The following GANC variants were observed in gnomAD, a reference collection of about 807,000 sequenced individuals.
GANC encodes neutral alpha-glucosidase C.
GANC carries 117 observed loss-of-function variants against 124.2 expected under a neutral mutation model. The ratio of observed to expected loss-of-function variants is 0.94; its 90% confidence interval spans 0.81 to 1.10. The LOEUF is 1.10. Among genes scored for constraint, GANC ranks in the 50% least tolerant of loss-of-function variants. The pLI is 0.00. For missense variants in GANC, 1,140 were observed against 1,095.0 expected (o/e 1.04, Z -0.58); for synonymous variants, 377 against 376.8 (o/e 1.00, Z -0.01).
Position 42,310,679 on chromosome 15 carries a change from C to T in GANC, c.904-14C>T, listed in dbSNP as rs2052042191. On this transcript the variant is annotated splice_polypyrimidine_tract_variant and intron_variant, in intron 9 of 23. Coordinates refer to ENST00000318010, the MANE Select transcript of GANC (RefSeq NM_198141.3). ...AGGGAAATTTCTCAAATTTTTATTC[C>T]ATTCTTTTTCCAGTACACACTGACC... The T allele has an allele frequency of 6.3e-7, 1 of 1,596,802 alleles. No homozygotes were observed. Among genetic ancestry groups the T allele is most frequent in the African/African-American group, 1.3e-5 (1 of 74,560 alleles).
intron 10 of GANC, among the ~76,000 whole-genome samples, chr15:42,315,785 T>C (rs1217173078): frequency 6.6e-6 from 1 of 152,052 alleles, no homozygotes; most frequent in Non-Finnish European, 1.5e-5. Flanking sequence ...CCTCATCCAG[T>C]AGTTGAAGGC....
At chr15:42,322,564 G>A (rs2052169015) in intron 11 of GANC, among the ~76,000 whole-genome samples, 1 of 152,120 alleles carries the variant, frequency 6.6e-6, no homozygotes, top group African/African-American at 2.4e-5. Flanking sequence ...CAAAGGAGGG[G>A]GCACTAGAGC....
intron 10 of GANC, among the ~76,000 whole-genome samples, chr15:42,315,510 T>C (rs148284229): frequency 3.2e-4 from 48 of 152,326 alleles, no homozygotes; most frequent in African/African-American, 1.1e-3. Context: ...TTTACGAGGA[T>C]GCAGAGAAAT....
chr15:42,336,965 T>C (rs921593776), intron 15 of GANC, among the ~76,000 whole-genome samples: 3 of 152,200 alleles, frequency 2.0e-5, no homozygotes, highest in Non-Finnish European at 4.4e-5. Flanking sequence ...ATGGCTGTTA[T>C]TAAAAAGTGA....
At chr15:42,286,698 G>A (rs781744732) in intron 3 of GANC, among the ~76,000 whole-genome samples, 1 of 152,154 alleles carries the variant, frequency 6.6e-6, no homozygotes, top group Non-Finnish European at 1.5e-5. Context: ...TTTCGCAAGA[G>A]GCAAAGTTCC....
intron 3 of GANC, among the ~76,000 whole-genome samples, chr15:42,281,993 A>T (rs1202068163): frequency 1.3e-5 from 2 of 151,882 alleles, no homozygotes; most frequent in Non-Finnish European, 2.9e-5. Context: ...TTGAGACCAG[A>T]CTGATCAACA....
At chr15:42,293,069 A>AC in intron 5 of GANC, 152 bp downstream of exon 5, 3 of 676,546 alleles carry the variant, frequency 4.4e-6, no homozygotes, top group Non-Finnish European at 7.3e-6. Flanking sequence ...TTCACCTGTG[A>AC]AGGTGAATAC....
chr15:42,349,177 G>A (rs907418209), intron 21 of GANC, among the ~76,000 whole-genome samples: 2 of 152,134 alleles, frequency 1.3e-5, no homozygotes. Context: ...CTAACTCTTT[G>A]TGCTCCTCTT....
chr15:42,313,838 A>G lies in GANC; in HGVS notation c.1057+2992A>G, dbSNP rs1396699708. On this transcript the variant is annotated intron_variant, in intron 10 of 23. Coordinates refer to ENST00000318010, the MANE Select transcript of GANC (RefSeq NM_198141.3). Reference sequence around the variant, plus strand: ...ATCCCAGTGCTTTGGGAAGCCTCCAAAGTGCTTCCTTGAATTCAAGTAATC... The same window carrying G: ...ATCCCAGTGCTTTGGGAAGCCTCCAGAGTGCTTCCTTGAATTCAAGTAATC... 1.1e-5 allele frequency: 6 copies of G among 546,188 alleles called. No individual in the cohort carries two copies. The African/African-American group carries it at 1.1e-4, about 10-fold the overall frequency. The allele number at this position is 546,188 out of a possible 1,614,324, so 33.8% of individuals were successfully genotyped here.
intron 3 of GANC, among the ~76,000 whole-genome samples, chr15:42,284,717 CTG>C (rs774052766): frequency 1.2e-4 from 19 of 152,168 alleles, no homozygotes; most frequent in Non-Finnish European, 2.5e-4. Flanking sequence ...TCATGGCACA[CTG>C]TAACCTCAAA....
chr15:42,288,046 C>T (rs1283986520), intron 4 of GANC, among the ~76,000 whole-genome samples: 1 of 151,770 alleles, frequency 6.6e-6, no homozygotes, highest in Admixed American at 6.6e-5. Context: ...TTTCTTCATC[C>T]ACCATTTGAT....
Position 42,326,331 on chromosome 15 carries a change from G to T in GANC, c.1327G>T (p.Asp443Tyr). 1 of 1,613,934 alleles carries T rather than the reference G, an allele frequency of 6.2e-7. No individual in the cohort carries two copies. Among genetic ancestry groups the T allele is most frequent in the South Asian group, 1.1e-5 (1 of 91,054 alleles). ...VVISDPHIKIDPDYSVYVKAK... is the reference protein window; with the variant it reads ...VVISDPHIKIYPDYSVYVKAK... ...CATCAGTGATCCCCACATCAAGATT[G>T]ATCCTGACTACTCAGTATATGTGAA... Residue 443 changes from aspartate to tyrosine, a missense_variant, in exon 12 of 24, where the codon GAT becomes TAT. Physicochemically the swap from Asp to Tyr is radical, Grantham distance 160. Coordinates refer to ENST00000318010, the MANE Select transcript of GANC (RefSeq NM_198141.3).
At chr15:42,285,656 G>T (rs576804731) in intron 3 of GANC, among the ~76,000 whole-genome samples, 1 of 152,116 alleles carries the variant, frequency 6.6e-6, no homozygotes, top group Non-Finnish European at 1.5e-5. Flanking sequence ...TTAGCCTGGT[G>T]TGATGGCACG....
At chr15:42,295,946 A>T (rs2051887735) in intron 5 of GANC, among the ~76,000 whole-genome samples, 1 of 152,134 alleles carries the variant, frequency 6.6e-6, no homozygotes, top group Non-Finnish European at 1.5e-5. Flanking sequence ...GTTTGAGACC[A>T]GCCTGGCCAA....
In GANC at chr15:42,274,213, A is replaced by C; in HGVS notation, c.-269A>C. Reference sequence around the variant, plus strand: ...TCACCGCCGCCCAGTTTCGGTTCCTAACAAAAGCACGTTCCTCATCAGCCA... The same window carrying C: ...TCACCGCCGCCCAGTTTCGGTTCCTCACAAAAGCACGTTCCTCATCAGCCA... On this transcript the variant is annotated 5_prime_UTR_variant, in exon 1 of 24. Transcript: ENST00000318010. The C allele has an allele frequency of 6.7e-6, 3 of 446,402 alleles. No homozygotes were observed. The South Asian group carries it at 6.9e-5, about 10-fold the overall frequency. 27.7% of individuals were successfully genotyped at this position (446,402 alleles called of 1,614,324 possible).
intron 10 of GANC, among the ~76,000 whole-genome samples, chr15:42,321,086 A>G (rs978734548): frequency 2.0e-5 from 3 of 152,354 alleles, no homozygotes; most frequent in Middle Eastern, 3.4e-3. Flanking sequence ...TCACGTTATC[A>G]GTAAACATTT....
chr15:42,296,465 C>T (rs1357711336), intron 5 of GANC, among the ~76,000 whole-genome samples: 1 of 152,180 alleles, frequency 6.6e-6, no homozygotes. Context: ...CAGCTCACTG[C>T]AACCTCCGCC....
At position 42,292,378 on chromosome 15, in the gene GANC, T is replaced by TG. The variant is rs1251646009; in HGVS notation, c.330-357_330-356insG. 0.016 allele frequency among the ~76,000 whole-genome samples: 35 copies of TG among 2,162 alleles called. No homozygotes were observed. The Admixed American group carries it at 0.29, about 18-fold the overall frequency. The allele number at this position is 2,162 out of a possible 152,430, so 1.4% of individuals were successfully genotyped here. On this transcript the variant is annotated intron_variant, in intron 4 of 23. Transcript: ENST00000318010. ...GATGATAGCTAACATTTACTGTGTGTTTTTTTTTTTAATGTGTCTGGCACT... is the reference window on the plus strand; with the variant it reads ...GATGATAGCTAACATTTACTGTGTGTGTTTTTTTTTTAATGTGTCTGGCACT...
At chr15:42,337,015 A>G (rs908939646) in intron 15 of GANC, among the ~76,000 whole-genome samples, 19 of 152,342 alleles carry the variant, frequency 1.2e-4, no homozygotes, top group African/African-American at 2.9e-4. Context: ...AGAAAGGACA[A>G]TGCTTATACA....
Sources: allele counts gnomAD v4.1 joint callset (sites outside exome capture counted in the v4.1 genomes callset), GRCh38; gene constraint gnomAD v4.1.1; transcripts MANE v1.5; gene names NCBI Gene and HGNC (gene_info 2026-07-23, HGNC 2026-07-21).